LRRC4C: variants seen among roughly 807,000 people sequenced by gnomAD.
LRRC4C encodes leucine-rich repeat-containing protein 4C.
A neutral mutation model predicts 33.6 loss-of-function variants in LRRC4C; 5 were observed. That is an observed-to-expected ratio of 0.15 (90% confidence interval 0.08 to 0.31). The LOEUF (loss-of-function observed/expected upper bound fraction) is 0.31. Ranked by LOEUF, LRRC4C falls within the 10% of genes least tolerant of loss-of-function variation. LRRC4C has a pLI of 1.00. For missense variants in LRRC4C, 560 were observed against 796.7 expected, an observed-to-expected ratio of 0.70 and a Z score of 3.58; for synonymous variants, 329 against 302.0, an observed-to-expected ratio of 1.09 and a Z score of -0.93.
intron 2 of LRRC4C, among the ~76,000 whole-genome samples, chr11:40,864,222 C>T (rs905387124): frequency 2.0e-5 from 3 of 151,972 alleles, no homozygotes; most frequent in Non-Finnish European, 4.4e-5. Flanking sequence ...GTGTGTGCCA[C>T]CATGCCTGGC....
chr11:41,142,627 C>T (rs930722931), intron 1 of LRRC4C, among the ~76,000 whole-genome samples: 1 of 151,980 alleles, frequency 6.6e-6, no homozygotes, highest in African/African-American at 2.4e-5. Flanking sequence ...AGTACTCATA[C>T]AGACTAATTG....
intron 1 of LRRC4C, among the ~76,000 whole-genome samples, chr11:40,953,014 A>C (rs975279070): frequency 3.3e-5 from 5 of 151,752 alleles, no homozygotes; most frequent in African/African-American, 1.2e-4. Context: ...ATAATCAGAG[A>C]GCTCTGCATG....
At position 40,720,330 on chromosome 11, in the gene LRRC4C, A is replaced by G. The variant is rs577314495; in HGVS notation, c.-406-72052T>C. On this transcript the variant is annotated intron_variant, in intron 2 of 6. Coordinates refer to ENST00000528697, the MANE Select transcript of LRRC4C (RefSeq NM_001258419.2). ...TAGGTAACCTAGTTCAAACTGTCAG[A>G]AAAGACTGGATTTCTACTGTTTTCC... Among the ~76,000 whole-genome samples the G allele has an allele frequency of 5.3e-4, 81 of 152,314 alleles. No individual in the cohort carries two copies. In the South Asian group the frequency reaches 0.011, roughly 21 times the overall value.
intron 3 of LRRC4C, among the ~76,000 whole-genome samples, chr11:40,475,976 G>T (rs1018417515): frequency 6.6e-6 from 1 of 152,058 alleles, no homozygotes; most frequent in African/African-American, 2.4e-5. Flanking sequence ...TGGGGGCTGC[G>T]CTGTGCATTT....
intron 5 of LRRC4C, among the ~76,000 whole-genome samples, chr11:40,218,398 G>A (rs1245232968): frequency 6.6e-6 from 1 of 152,134 alleles, no homozygotes; most frequent in Non-Finnish European, 1.5e-5. Context: ...TGTGATGGGG[G>A]AAATGCAAGT....
chr11:41,011,822 A>ATATATTATAT (rs55785708), intron 1 of LRRC4C, among the ~76,000 whole-genome samples: 9,244 of 141,652 alleles, frequency 0.065, 375 homozygotes, highest in Non-Finnish European at 0.071. Context: ...ATTCTATGTT[A>ATATATTATAT]TATATTATAT....
rs1050649636 is a variant in LRRC4C at position 41,033,553 on chromosome 11, A to G, written c.-495-99830T>C. Among the ~76,000 whole-genome samples, 9 of 152,022 alleles carry G rather than the reference A, an allele frequency of 5.9e-5. No individual in the cohort carries two copies. In the South Asian group the frequency reaches 6.2e-4, roughly 10 times the overall value. The stretch of plus-strand genomic sequence containing the variant: ...CCTGAGACTTTCTGGTGAATACCCC[A>G]CATCCTGGGAATCCTCTGAGTCCCA... On this transcript the variant is annotated intron_variant, in intron 1 of 6. Coordinates refer to ENST00000528697, the MANE Select transcript of LRRC4C (RefSeq NM_001258419.2).
intron 3 of LRRC4C, among the ~76,000 whole-genome samples, chr11:40,508,781 T>C (rs147663424): frequency 2.6e-5 from 4 of 152,208 alleles, no homozygotes; most frequent in African/African-American, 4.8e-5. Flanking sequence ...AAATAATATA[T>C]GTGAAACTGT....
chr11:40,724,725 GTAAA>G (rs56737132), intron 2 of LRRC4C, among the ~76,000 whole-genome samples: 55,839 of 151,354 alleles, frequency 0.37, 10,544 homozygotes, highest in Non-Finnish European at 0.39. Context: ...CTAACAAGAA[GTAAA>G]TAAATAAACA....
intron 3 of LRRC4C, among the ~76,000 whole-genome samples, chr11:40,322,588 G>A (rs1048908488): frequency 6.6e-6 from 1 of 152,110 alleles, no homozygotes; most frequent in African/African-American, 2.4e-5. Flanking sequence ...AATCACACTG[G>A]GCAGTTTAAG....
At chr11:40,817,819 A>C (rs989693402) in intron 2 of LRRC4C, among the ~76,000 whole-genome samples, 1 of 152,074 alleles carries the variant, frequency 6.6e-6, no homozygotes, top group African/African-American at 2.4e-5. Context: ...TCAAGCCTTC[A>C]CTTTTCCCTA....
intron 3 of LRRC4C, among the ~76,000 whole-genome samples, chr11:40,350,007 A>G (rs1172358085): frequency 1.3e-5 from 2 of 152,068 alleles, no homozygotes; most frequent in Non-Finnish European, 2.9e-5. Flanking sequence ...TGTCAGATGT[A>G]GAGTTTGCAA....
At chr11:40,666,299 T>C (rs1013910626) in intron 2 of LRRC4C, among the ~76,000 whole-genome samples, 1 of 152,120 alleles carries the variant, frequency 6.6e-6, no homozygotes, top group Non-Finnish European at 1.5e-5. Flanking sequence ...TATAGGTACA[T>C]TTATATAGAG....
chr11:40,527,756 A>ATTT (rs74970166), intron 3 of LRRC4C, among the ~76,000 whole-genome samples: 13,158 of 148,598 alleles, frequency 0.089, 1,620 homozygotes, highest in African/African-American at 0.28. Flanking sequence ...TTAGAAGATA[A>ATTT]TTTTTTTTTT....
chr11:40,382,973 G>A (rs1443002568), intron 3 of LRRC4C, among the ~76,000 whole-genome samples: 4 of 152,034 alleles, frequency 2.6e-5, no homozygotes, highest in Non-Finnish European at 4.4e-5. Flanking sequence ...GATTACAGGC[G>A]TGAGCCACCG....
chr11:40,580,043 C>T (rs1591167238), intron 3 of LRRC4C, among the ~76,000 whole-genome samples: 1 of 143,672 alleles, frequency 7.0e-6, no homozygotes, highest in East Asian at 2.0e-4. Flanking sequence ...CTGTTTTGTT[C>T]AAGGGTACTT....
At chr11:41,006,235 T>A (rs1219460270) in intron 1 of LRRC4C, among the ~76,000 whole-genome samples, 1 of 152,202 alleles carries the variant, frequency 6.6e-6, no homozygotes, top group Non-Finnish European at 1.5e-5. Context: ...TTCAAACAGC[T>A]ACATTCTTCT....
chr11:40,376,043 A>G (rs1948646947), intron 3 of LRRC4C, among the ~76,000 whole-genome samples: 1 of 152,150 alleles, frequency 6.6e-6, no homozygotes, highest in South Asian at 2.1e-4. Context: ...ACCGTTCCCA[A>G]CTAATACTCT....
At chr11:41,076,557 A>G (rs1267623502) in intron 1 of LRRC4C, among the ~76,000 whole-genome samples, 1 of 152,184 alleles carries the variant, frequency 6.6e-6, no homozygotes, top group African/African-American at 2.4e-5. Flanking sequence ...TTATCGCAAG[A>G]ACAGCAAGGA....
Sources: gnomAD v4.1 joint callset for allele counts (sites outside exome capture counted in the v4.1 genomes callset) on GRCh38, gnomAD v4.1.1 for gene constraint, MANE v1.5 for transcripts, NCBI Gene and HGNC (gene_info 2026-07-23, HGNC 2026-07-21) for gene names.